The following LRP1B variants were observed in gnomAD, a reference collection of about 807,000 sequenced individuals.
LRP1B encodes LDL receptor related protein 1B.
A neutral mutation model predicts 556.6 loss-of-function variants in LRP1B; 217 were observed. The observed-to-expected ratio is 0.39, with a 90% CI of 0.35 to 0.44. LRP1B has a LOEUF of 0.44. LRP1B is among the 20% of genes least tolerant of loss of function. The probability of loss-of-function intolerance (pLI) is 1.00; values close to 1 mark genes in which losing one functional copy is unlikely to be tolerated. For synonymous variants in LRP1B, 2,047 were observed against 1,865.8 expected (o/e 1.10, Z -2.50); for missense variants, 5,053 against 5,620.8 (o/e 0.90, Z 3.23).
At chr2:141,622,123 G>A (rs898901670) in intron 2 of LRP1B, among the ~76,000 whole-genome samples, 6 of 152,022 alleles carry the variant, frequency 3.9e-5, no homozygotes, top group African/African-American at 9.7e-5. Flanking sequence ...ACTCCCGACC[G>A]CAGGTGATCT....
At chr2:141,664,366 G>A (rs1690342543) in intron 2 of LRP1B, among the ~76,000 whole-genome samples, 1 of 152,148 alleles carries the variant, frequency 6.6e-6, no homozygotes, top group Admixed American at 6.5e-5. Context: ...AGGGCAATCA[G>A]ACAAGAGAAA....
rs977608074 is a variant in LRP1B, at chr2:141,393,934, G to A, written c.343+86462C>T. 2.0e-5 allele frequency among the ~76,000 whole-genome samples: 3 copies of A among 152,016 alleles called. No homozygotes were observed. The East Asian group carries it at 5.8e-4, about 29-fold the overall frequency. On this transcript the variant is annotated intron_variant, in intron 3 of 90. Transcript: ENST00000389484. ...TATTGTATTCACTTTTAGAGATATG[G>A]ACTAGTAATTTTATCTTATTTGATA...
At chr2:140,497,970 T>TC (rs1192080838) in intron 55 of LRP1B, among the ~76,000 whole-genome samples, 1 of 151,878 alleles carries the variant, frequency 6.6e-6, no homozygotes, top group Non-Finnish European at 1.5e-5. Flanking sequence ...AAAATGTATT[T>TC]CTCAATCTGT....
intron 2 of LRP1B, among the ~76,000 whole-genome samples, chr2:141,764,418 G>A (rs1395159772): frequency 1.3e-5 from 2 of 152,126 alleles, no homozygotes; most frequent in East Asian, 1.9e-4. Context: ...TCCTGACCTC[G>A]TGATCCACCT....
intron 41 of LRP1B, among the ~76,000 whole-genome samples, chr2:140,641,868 G>T (rs777804189): frequency 6.6e-6 from 1 of 152,046 alleles, no homozygotes; most frequent in African/African-American, 2.4e-5. Flanking sequence ...ATTTCTAAAG[G>T]CCAAACCTAA....
rs147534319 is a variant in LRP1B at position 140,238,194 on chromosome 2, A to G, written c.13518T>C (p.Asp4506=). ...TAAAGCCAGGATCTAAAAGACCTCC[A>G]TCGTTGTGATCATGATCTACCTCAT... is the stretch of plus-strand genomic sequence containing the variant. The part of the protein sequence containing the change: ...NMYEVDHDHN[D]GGLLDPGFMI... The change falls in exon 89 of 91, where the codon GAT becomes GAC. Residue 4506 remains aspartate (D), a synonymous_variant. Coordinates refer to ENST00000389484, the MANE Select transcript of LRP1B (RefSeq NM_018557.3). 3 of 1,605,560 alleles carry G rather than the reference A, an allele frequency of 1.9e-6. No homozygotes were observed. The African/African-American group carries it at 4.0e-5, about 22-fold the overall frequency.
intron 62 of LRP1B, among the ~76,000 whole-genome samples, chr2:140,453,352 G>A (rs914612803): frequency 6.6e-5 from 10 of 151,784 alleles, no homozygotes; most frequent in African/African-American, 2.2e-4. Flanking sequence ...TATTCTCACA[G>A]GAAGATCTCT....
intron 3 of LRP1B, among the ~76,000 whole-genome samples, chr2:141,413,064 A>G (rs1279089893): frequency 6.6e-6 from 1 of 152,090 alleles, no homozygotes; most frequent in Non-Finnish European, 1.5e-5. Flanking sequence ...CCATCTCTAC[A>G]AAAATGTTTA....
intron 2 of LRP1B, among the ~76,000 whole-genome samples, chr2:141,802,199 G>A (rs571300965): frequency 1.1e-4 from 16 of 152,098 alleles, no homozygotes; most frequent in Admixed American, 3.3e-4. Flanking sequence ...GCTGGGTACC[G>A]AGGAAAATGT....
chr2:141,068,993 G>GT (rs1359306884), intron 7 of LRP1B, among the ~76,000 whole-genome samples: 1 of 151,974 alleles, frequency 6.6e-6, no homozygotes, highest in Non-Finnish European at 1.5e-5. Context: ...AATCTTTTCA[G>GT]TAGTCTCTAG....
At chr2:141,480,292 T>C in intron 3 of LRP1B, 104 bp downstream of exon 3, 1 of 1,188,484 alleles carries the variant, frequency 8.4e-7, no homozygotes, top group South Asian at 1.3e-5. Flanking sequence ...TAATAACTGA[T>C]ATGCTTGTAG....
chr2:140,841,656 C>T (rs1692109020), intron 29 of LRP1B, among the ~76,000 whole-genome samples: 1 of 152,138 alleles, frequency 6.6e-6, no homozygotes, highest in South Asian at 2.1e-4. Context: ...AACGTGGATT[C>T]TGCAGAAAAT....
chr2:140,961,508 TAAAAAG>T (rs970122759), intron 18 of LRP1B, among the ~76,000 whole-genome samples: 2 of 152,094 alleles, frequency 1.3e-5, no homozygotes, highest in Admixed American at 1.3e-4. Flanking sequence ...CACAAATATT[TAAAAAG>T]AAAGAGTTAC....
rs552935049 is a variant in LRP1B, at chr2:141,655,229, A to G, written c.205+155050T>C. Among the ~76,000 whole-genome samples, 3 of 152,286 alleles carry G rather than the reference A, an allele frequency of 2.0e-5. No individual in the cohort carries two copies. The South Asian group carries it at 6.2e-4, about 32-fold the overall frequency. ...TCACTATTTTATTTTGAATGGATTT[A>G]TATTCATGCTTTTCATACTAAATAA... On this transcript the variant is annotated intron_variant, in intron 2 of 90. Transcript: ENST00000389484.
At chr2:142,100,315 G>C (rs1706528757) in intron 1 of LRP1B, among the ~76,000 whole-genome samples, 1 of 151,898 alleles carries the variant, frequency 6.6e-6, no homozygotes, top group Non-Finnish European at 1.5e-5. Context: ...TACCATTACT[G>C]CAGTCAAAAA....
At chr2:140,505,984 CAT>C (rs1240871507) in intron 53 of LRP1B, among the ~76,000 whole-genome samples, 1 of 151,700 alleles carries the variant, frequency 6.6e-6, no homozygotes, top group African/African-American at 2.4e-5. Context: ...TTATATATAA[CAT>C]AGAAAAATAT....
At chr2:141,214,827 C>T (rs138854992) in intron 6 of LRP1B, among the ~76,000 whole-genome samples, 2 of 152,242 alleles carry the variant, frequency 1.3e-5, no homozygotes, top group Non-Finnish European at 2.9e-5. Flanking sequence ...CTGAAATTAG[C>T]TCTTACACTT....
At chr2:140,348,934 T>C (rs1347392476) in intron 77 of LRP1B, among the ~76,000 whole-genome samples, 1 of 152,124 alleles carries the variant, frequency 6.6e-6, no homozygotes, top group Admixed American at 6.6e-5. Flanking sequence ...TACTTATGAA[T>C]AGAGTGTGTG....
chr2:141,708,473 A>C (rs1056604735), intron 2 of LRP1B, among the ~76,000 whole-genome samples: 4 of 152,236 alleles, frequency 2.6e-5, no homozygotes, highest in Admixed American at 1.3e-4. Flanking sequence ...GTGCAAGCAC[A>C]CACATACCGA....
Sources: gnomAD v4.1 joint callset for allele counts (sites outside exome capture counted in the v4.1 genomes callset) on GRCh38, gnomAD v4.1.1 for gene constraint, MANE v1.5 for transcripts, NCBI Gene and HGNC (gene_info 2026-07-23, HGNC 2026-07-21) for gene names.